The following TEX50 variants were observed in gnomAD, a reference collection of about 807,000 sequenced individuals.
TEX50 encodes testis expressed 50, also known as testis-expressed protein 50.
A neutral mutation model predicts 9.8 loss-of-function variants in TEX50; 3 were observed. The ratio of observed to expected loss-of-function variants is 0.31; its 90% confidence interval spans 0.14 to 0.79. The LOEUF (loss-of-function observed/expected upper bound fraction) is 0.79, where lower values mean the gene tolerates loss of function less well. Among genes scored for constraint, TEX50 ranks in the 30% least tolerant of loss-of-function variants. TEX50 has a pLI of 0.63. For missense variants in TEX50, 164 were observed against 199.3 expected (o/e 0.82, Z 1.07); for synonymous variants, 61 against 72.1 (o/e 0.85, Z 0.78).
intron 1 of TEX50, 105 bp from the exon 2 acceptor site, chr1:173,636,722 A>C: frequency 1.2e-6 from 1 of 817,678 alleles, no homozygotes; most frequent in Non-Finnish European, 1.9e-6. Context: ...GTTTGTTTAC[A>C]TATTTAGAAC....
chr1:173,637,097 C>A lies in TEX50; in HGVS notation c.*61C>A. 8.6e-7 allele frequency: 1 copy of A among 1,169,432 alleles called. No individual in the cohort carries two copies. Among genetic ancestry groups the A allele is most frequent in the Non-Finnish European group, 1.2e-6 (1 of 837,110 alleles). 72.4% of individuals were successfully genotyped at this position (1,169,432 alleles called of 1,614,324 possible). A position where few individuals can be genotyped will look rare whatever the true frequency, so the allele number is the denominator to read the frequency against. On this transcript the variant is annotated 3_prime_UTR_variant, in exon 2 of 2. Coordinates refer to ENST00000417563, the MANE Select transcript of TEX50 (RefSeq NM_001195190.3). ...AGATATCACAAAAGAAATCTATCAT[C>A]TAAGGATTAAAAATTGTTCTTTGGA...
chr1:173,636,425 C>A (rs1007594428), intron 1 of TEX50, among the ~76,000 whole-genome samples: 1 of 152,140 alleles, frequency 6.6e-6, no homozygotes, highest in African/African-American at 2.4e-5. Context: ...CAAACAAAAC[C>A]TCATTGACCT....
In TEX50 at chr1:173,635,666, G is replaced by C. The variant is rs957707872; in HGVS notation, c.145G>C (p.Gly49Arg). 15 of 1,535,310 alleles carry C rather than the reference G, an allele frequency of 9.8e-6. No individual in the cohort carries two copies. The African/African-American group carries it at 1.4e-4, about 14-fold the overall frequency. ...AGAAGTACATTATTGGAAAGTTAAG[G>C]GTTCTCCATCTCACTGCCTGCCTTA... is the stretch of plus-strand genomic sequence containing the variant. ...PEEVHYWKVK[G>R]SPSHCLPYLL... Residue 49 changes from glycine to arginine, a missense_variant, in exon 1 of 2, where the codon GGT (glycine) becomes CGT (arginine). Physicochemically the swap from Gly to Arg is moderately radical, Grantham distance 125. This residue lies in a region of TEX50 where 135 missense variants were observed against 154.2 expected (regional missense o/e 0.88). Coordinates refer to ENST00000417563, the MANE Select transcript of TEX50 (RefSeq NM_001195190.3).
chr1:173,636,882 TCAA>T lies in TEX50; in HGVS notation c.386_388del (p.Asn129del), dbSNP rs1156673091. On this transcript the variant is annotated inframe_deletion, in exon 2 of 2. Coordinates refer to ENST00000417563, the MANE Select transcript of TEX50 (RefSeq NM_001195190.3). ...GGTAATGATCTAGAAAGCCCATTGATCAACAACATTGACCAAACACTCCACAGA... is the reference window on the plus strand; with the variant it reads ...GGTAATGATCTAGAAAGCCCATTGATCAACATTGACCAAACACTCCACAGA... 6.5e-7 allele frequency: 1 copy of T among 1,535,878 alleles called. No individual in the cohort carries two copies. The highest frequency in any genetic ancestry group is 2.0e-5 in the Admixed American group (1 of 50,986).
intron 1 of TEX50, among the ~76,000 whole-genome samples, chr1:173,636,618 G>A (rs1381905611): frequency 6.6e-6 from 1 of 152,148 alleles, no homozygotes; most frequent in Non-Finnish European, 1.5e-5. Context: ...GATCATACAT[G>A]TGGCATATAG....
chr1:173,635,442 T>G lies in TEX50; in HGVS notation c.-80T>G. The stretch of plus-strand genomic sequence containing the variant: ...CTTCCCTTCGTAGGGAATTTAGTTA[T>G]TTTATTTTATTATTTAGCTAATTTA... On this transcript the variant is annotated 5_prime_UTR_variant, in exon 1 of 2. Transcript: ENST00000417563. 2 of 1,035,930 alleles carry G rather than the reference T, an allele frequency of 1.9e-6. No individual in the cohort carries two copies. Among genetic ancestry groups the G allele is most frequent in the Non-Finnish European group, 2.7e-6 (2 of 735,716 alleles). The allele number at this position is 1,035,930 out of a possible 1,614,324, so 64.2% of individuals were successfully genotyped here.
chr1:173,636,883 C>T lies in TEX50; in HGVS notation c.381C>T (p.Ile127=), dbSNP rs1359657264. 1 of 1,535,814 alleles carries T rather than the reference C, an allele frequency of 6.5e-7. No homozygotes were observed. Among genetic ancestry groups the T allele is most frequent in the Non-Finnish European group, 8.7e-7 (1 of 1,146,768 alleles). The change falls in exon 2 of 2, where the codon ATC becomes ATT. Residue 127 remains isoleucine, a synonymous_variant. Coordinates refer to ENST00000417563, the MANE Select transcript of TEX50 (RefSeq NM_001195190.3). ...KPGNDLESPL[I]NNIDQTLHRV... is the part of the protein sequence containing the mutation. ...GTAATGATCTAGAAAGCCCATTGAT[C>T]AACAACATTGACCAAACACTCCACA...
In TEX50 at chr1:173,635,546, A is replaced by AT; in HGVS notation, c.31dup (p.Ser11PhefsTer16). On this transcript the variant is annotated frameshift_variant, in exon 1 of 2. Coordinates refer to ENST00000417563, the MANE Select transcript of TEX50 (RefSeq NM_001195190.3). LOFTEE classifies it high-confidence loss of function. ...GATGTCTAATCAAAGACTACCGCTG[A>AT]TTTTTTCTCTGTTGTTTATCTGCTT... 3 of 1,530,982 alleles carry AT rather than the reference A, an allele frequency of 2.0e-6. No individual in the cohort carries two copies. Among genetic ancestry groups the AT allele is most frequent in the South Asian group, 1.2e-5 (1 of 83,274 alleles). The allele number at this position is 1,530,982 out of a possible 1,614,324, so 94.8% of individuals were successfully genotyped here.
chr1:173,635,546 AT>A lies in TEX50; in HGVS notation c.31del (p.Ser11LeufsTer99). ...GATGTCTAATCAAAGACTACCGCTG[AT>A]TTTTTCTCTGTTGTTTATCTGCTTC... The part of the protein sequence containing the change: MSNQRLPL[I>X]FSLLFICFFG... On this transcript the variant is annotated frameshift_variant, in exon 1 of 2. Coordinates refer to ENST00000417563, the MANE Select transcript of TEX50 (RefSeq NM_001195190.3). LOFTEE classifies it high-confidence loss of function. The A allele has an allele frequency of 6.5e-7, 1 of 1,530,982 alleles. No homozygotes were observed. Among genetic ancestry groups the A allele is most frequent in the Non-Finnish European group, 8.7e-7 (1 of 1,143,950 alleles). 94.8% of individuals were successfully genotyped at this position (1,530,982 alleles called of 1,614,324 possible).
chr1:173,636,921 C>A lies in TEX50; in HGVS notation c.419C>A (p.Thr140Lys), dbSNP rs1248792731. 1 of 1,535,824 alleles carries A rather than the reference C, an allele frequency of 6.5e-7. No individual in the cohort carries two copies. Among genetic ancestry groups the A allele is most frequent in the Non-Finnish European group, 8.7e-7 (1 of 1,146,708 alleles). The change falls in exon 2 of 2, where the codon ACA (threonine) becomes AAA (lysine). Residue 140 changes from threonine to lysine, a missense_variant. Physicochemically the swap from Thr to Lys is moderately conservative, Grantham distance 78 (BLOSUM62 -1). Transcript: ENST00000417563. ...IDQTLHRVAT[T>K]ASVIYKIWEH... ...CAAACACTCCACAGAGTGGCAACCA[C>A]AGCATCAGTGATATACAAGATCTGG... is the stretch of plus-strand genomic sequence containing the variant.
intron 1 of TEX50, 81 bp downstream of exon 1, chr1:173,635,926 G>A: frequency 9.2e-7 from 1 of 1,084,338 alleles, no homozygotes; most frequent in South Asian, 1.7e-5. Context: ...TTTGAGAGAG[G>A]GTACCGTGTT....
intron 1 of TEX50, 56 bp from the exon 2 acceptor site, chr1:173,636,766 CTATAG>C: frequency 1.7e-6 from 2 of 1,146,886 alleles, no homozygotes; most frequent in Non-Finnish European, 1.2e-6. Flanking sequence ...ATTAACTATA[CTATAG>C]TATTGAACTC....
Position 173,635,462 on chromosome 1 carries a change from A to T in TEX50, c.-60A>T, listed in dbSNP as rs1248710352. 8.7e-7 allele frequency: 1 copy of T among 1,153,974 alleles called. No individual in the cohort carries two copies. Among genetic ancestry groups the T allele is most frequent in the African/African-American group, 1.6e-5 (1 of 63,990 alleles). 71.5% of individuals were successfully genotyped at this position (1,153,974 alleles called of 1,614,324 possible). On this transcript the variant is annotated 5_prime_UTR_variant, in exon 1 of 2. Transcript: ENST00000417563. ...AGTTATTTTATTTTATTATTTAGCT[A>T]ATTTAGCTATTTTAAAATAGCTAAA...
chr1:173,636,419 C>A lies in TEX50; in HGVS notation c.325-408C>A, dbSNP rs548241789. ...AAAAGCTCTTTGATCAAAAAACAAA[C>A]AAAACCTCATTGACCTTCAGAAGAA... On this transcript the variant is annotated intron_variant, in intron 1 of 1. Coordinates refer to ENST00000417563, the MANE Select transcript of TEX50 (RefSeq NM_001195190.3). 2.1e-3 allele frequency among the ~76,000 whole-genome samples: 319 copies of A among 152,250 alleles called. 3 individuals are homozygous for A. The highest frequency in any genetic ancestry group is 3.7e-3 in the Non-Finnish European group (251 of 67,948).
chr1:173,635,430 G>A lies in TEX50; in HGVS notation c.-92G>A. ...TGGTATTTTCTGCTTCCCTTCGTAG[G>A]GAATTTAGTTATTTTATTTTATTAT... On this transcript the variant is annotated 5_prime_UTR_variant, in exon 1 of 2. Transcript: ENST00000417563. 1.0e-6 allele frequency: 1 copy of A among 967,992 alleles called. No homozygotes were observed. Among genetic ancestry groups the A allele is most frequent in the Non-Finnish European group, 1.5e-6 (1 of 675,690 alleles). 60.0% of individuals were successfully genotyped at this position (967,992 alleles called of 1,614,324 possible).
At position 173,636,923 on chromosome 1, in the gene TEX50, G is replaced by A; in HGVS notation, c.421G>A (p.Ala141Thr). 6.5e-7 allele frequency: 1 copy of A among 1,535,698 alleles called. No individual in the cohort carries two copies. Residue 141 changes from alanine (A) to threonine (T), a missense_variant, in exon 2 of 2, where the codon GCA (alanine) becomes ACA (threonine). This residue lies in a region of TEX50 where 135 missense variants were observed against 154.2 expected (regional missense o/e 0.88). Coordinates refer to ENST00000417563, the MANE Select transcript of TEX50 (RefSeq NM_001195190.3). ...DQTLHRVATT[A>T]SVIYKIWEHR... The stretch of plus-strand genomic sequence containing the variant: ...AACACTCCACAGAGTGGCAACCACA[G>A]CATCAGTGATATACAAGATCTGGGA...
chr1:173,636,708 TA>T (rs1446998217), intron 1 of TEX50, 118 bp from the exon 2 acceptor site: 6 of 735,926 alleles, frequency 8.2e-6, no homozygotes, highest in Admixed American at 3.0e-5. Context: ...GCTGTTTTAA[TA>T]AGGTTTGTTT....
At chr1:173,636,793 G>A (rs1239729148) in intron 1 of TEX50, 34 bp from the exon 2 acceptor site, 2 of 1,435,194 alleles carry the variant, frequency 1.4e-6, no homozygotes, top group Non-Finnish European at 9.5e-7. Context: ...ACTGTTTTAT[G>A]TAGATAAAAT....
rs775522750 is a variant in TEX50 at position 173,635,690 on chromosome 1, T to C, written c.169T>C (p.Tyr57His). The stretch of plus-strand genomic sequence containing the variant: ...GGGTTCTCCATCTCACTGCCTGCCT[T>C]ATCTTCTGGATAAACTATGCTGCGA... ...VKGSPSHCLPYLLDKLCCDFA... is the reference protein window; with the variant it reads ...VKGSPSHCLPHLLDKLCCDFA... Residue 57 changes from tyrosine (Y) to histidine (H), a missense_variant, in exon 1 of 2, where the codon TAT (tyrosine) becomes CAT (histidine). Transcript: ENST00000417563. 2 of 1,535,760 alleles carry C rather than the reference T, an allele frequency of 1.3e-6. No individual in the cohort carries two copies. Among genetic ancestry groups the C allele is most frequent in the South Asian group, 2.4e-5 (2 of 84,052 alleles).
Sources: gnomAD v4.1 joint callset for allele counts (sites outside exome capture counted in the v4.1 genomes callset) on GRCh38, gnomAD v4.1.1 for gene constraint, gnomAD v4.1.1 regional missense constraint, MANE v1.5 for transcripts, NCBI Gene and HGNC (gene_info 2026-07-23, HGNC 2026-07-21) for gene names.